The following RANBP2 variants were observed in gnomAD, a reference collection of about 807,000 sequenced individuals.
RANBP2 encodes the protein RAN binding protein 2.
Under a neutral mutation model 303.6 loss-of-function variants are expected in RANBP2, and 57 were observed. The observed-to-expected ratio is 0.19, with a 90% CI of 0.15 to 0.23. The LOEUF (loss-of-function observed/expected upper bound fraction) is 0.23, where lower values mean the gene tolerates loss of function less well. Ranked by LOEUF, RANBP2 falls within the 10% of genes least tolerant of loss-of-function variation. RANBP2 has a pLI of 1.00. For synonymous variants in RANBP2, 1,167 were observed against 1,301.5 expected, an observed-to-expected ratio of 0.90 and a Z score of 2.23; for missense variants, 3,138 against 3,780.8, an observed-to-expected ratio of 0.83 and a Z score of 4.46.
the RANBP2 span, chr2:108,988,919 C>A: frequency 6.6e-6 from 1 of 152,272 alleles, no homozygotes; most frequent in Non-Finnish European, 1.5e-5. Flanking sequence ...TCGGCCACAG[C>A]TGAAGAGTTT....
the RANBP2 span, among the ~76,000 whole-genome samples, chr2:109,021,477 G>C: frequency 2.7e-5 from 4 of 148,854 alleles, no homozygotes; most frequent in African/African-American, 4.9e-5. Flanking sequence ...GAGCCGAGAT[G>C]GCGCCACTGC....
chr2:109,569,437 T>TAA, the RANBP2 span, among the ~76,000 whole-genome samples: 24 of 131,262 alleles, frequency 1.8e-4, no homozygotes, highest in East Asian at 2.3e-3. Context: ...AAACTCTTGT[T>TAA]AAAAAAAAAA....
the RANBP2 span, among the ~76,000 whole-genome samples, chr2:109,684,736 T>C: frequency 2.0e-5 from 3 of 151,514 alleles, no homozygotes; most frequent in East Asian, 5.8e-4. Flanking sequence ...GGTTTCACCA[T>C]GTTGGCCAGG....
the RANBP2 span, among the ~76,000 whole-genome samples, chr2:109,112,129 G>A: frequency 6.6e-6 from 1 of 151,086 alleles, no homozygotes. Context: ...ATGATTTATA[G>A]TCCTTTGGGT....
chr2:108,742,154 G>A (rs1184417880), intron 7 of RANBP2, among the ~76,000 whole-genome samples: 5 of 151,592 alleles, frequency 3.3e-5, no homozygotes, highest in Middle Eastern at 6.8e-3. Flanking sequence ...GCGCCACCAC[G>A]CCCGTCTAAT....
At chr2:109,652,716 A>T in the RANBP2 span, among the ~76,000 whole-genome samples, 1 of 152,200 alleles carries the variant, frequency 6.6e-6, no homozygotes, top group Non-Finnish European at 1.5e-5. Context: ...CCAAGACTTC[A>T]GTCTCTACCA....
chr2:109,582,092 A>ACAC, the RANBP2 span, among the ~76,000 whole-genome samples: 4 of 148,782 alleles, frequency 2.7e-5, no homozygotes, highest in Non-Finnish European at 6.0e-5. Flanking sequence ...ACACACACAC[A>ACAC]CACACACACA....
chr2:109,353,180 C>T, the RANBP2 span, among the ~76,000 whole-genome samples: 8 of 152,234 alleles, frequency 5.3e-5, no homozygotes, highest in Non-Finnish European at 1.0e-4. Flanking sequence ...TCCTTGCTCC[C>T]TCAAGGGCCT....
At chr2:109,733,432 G>A in the RANBP2 span, among the ~76,000 whole-genome samples, 2 of 145,534 alleles carry the variant, frequency 1.4e-5, no homozygotes, top group Admixed American at 6.9e-5. Context: ...TTCTCAACAT[G>A]ATAGAGTGTG....
At chr2:109,494,748 A>G in the RANBP2 span, among the ~76,000 whole-genome samples, 4 of 152,044 alleles carry the variant, frequency 2.6e-5, no homozygotes, top group Admixed American at 2.0e-4. Flanking sequence ...TTCCACCCCA[A>G]AATGCCAAGG....
At chr2:109,447,300 G>A in the RANBP2 span, among the ~76,000 whole-genome samples, 1 of 152,004 alleles carries the variant, frequency 6.6e-6, no homozygotes, top group African/African-American at 2.4e-5. Context: ...TCTCACCAGC[G>A]CTTCACACAC....
At chr2:109,677,723 A>G in the RANBP2 span, among the ~76,000 whole-genome samples, 1 of 152,168 alleles carries the variant, frequency 6.6e-6, no homozygotes, top group South Asian at 2.1e-4. Context: ...GCCCTCGTGA[A>G]CCAAATTGTC....
chr2:108,905,351 C>A, the RANBP2 span, among the ~76,000 whole-genome samples: 1 of 152,218 alleles, frequency 6.6e-6, no homozygotes, highest in East Asian at 1.9e-4. Context: ...CAGGCCATGC[C>A]AGGTGAGATC....
chr2:109,234,805 A>T, the RANBP2 span, among the ~76,000 whole-genome samples: 4 of 152,214 alleles, frequency 2.6e-5, no homozygotes, highest in Non-Finnish European at 4.4e-5. Flanking sequence ...TCCTGGGGAA[A>T]TTCAACCATG....
the RANBP2 span, chr2:109,399,071 T>C: frequency 8.0e-6 from 9 of 1,127,004 alleles, no homozygotes; most frequent in South Asian, 1.4e-4. Flanking sequence ...TGGGGTTGAG[T>C]GGGGTTTGCC....
At chr2:108,780,108 T>C (rs1467866654) in intron 25 of RANBP2, among the ~76,000 whole-genome samples, 1 of 152,146 alleles carries the variant, frequency 6.6e-6, no homozygotes, top group Non-Finnish European at 1.5e-5. Context: ...CAGTCTTATC[T>C]TTGTATCGCT....
At chr2:108,903,898 C>A in the RANBP2 span, among the ~76,000 whole-genome samples, 5 of 152,160 alleles carry the variant, frequency 3.3e-5, no homozygotes, top group African/African-American at 1.2e-4. Context: ...CAAGAGAGAT[C>A]TTAGATTTGA....
chr2:108,777,022 C>A, intron 24 of RANBP2, 108 bp from the exon 25 acceptor site: 1 of 890,528 alleles, frequency 1.1e-6, no homozygotes, highest in Non-Finnish European at 1.8e-6. Context: ...AAATAACTCC[C>A]CTCATCCCAG....
the RANBP2 span, among the ~76,000 whole-genome samples, chr2:108,946,515 G>A: frequency 6.6e-6 from 1 of 152,188 alleles, no homozygotes; most frequent in Non-Finnish European, 1.5e-5. Flanking sequence ...AATTATATTA[G>A]TCCATTCTCC....
Sources: allele counts gnomAD v4.1 joint callset (sites outside exome capture counted in the v4.1 genomes callset), GRCh38; gene constraint gnomAD v4.1.1; transcripts MANE v1.5; gene names NCBI Gene and HGNC (gene_info 2026-07-23, HGNC 2026-07-21).